The following SH3RF3 variants were observed in gnomAD, a reference collection of about 807,000 sequenced individuals.
SH3RF3 encodes SH3 domain containing ring finger 3.
A neutral mutation model predicts 66.3 loss-of-function variants in SH3RF3; 29 were observed. The ratio of observed to expected loss-of-function variants is 0.44; its 90% CI spans 0.33 to 0.60. The LOEUF (loss-of-function observed/expected upper bound fraction) is 0.60. SH3RF3 is among the 20% of genes least tolerant of loss of function. SH3RF3 has a pLI of 0.04. For missense variants in SH3RF3, 1,194 were observed against 1,190.9 expected, an observed-to-expected ratio of 1.00 and a Z score of -0.04; for synonymous variants, 583 against 532.0, an observed-to-expected ratio of 1.10 and a Z score of -1.32.
At chr2:109,188,539 G>T (rs1437420479) in intron 1 of SH3RF3, among the ~76,000 whole-genome samples, 8 of 152,224 alleles carry the variant, frequency 5.3e-5, no homozygotes, top group Non-Finnish European at 1.0e-4. Flanking sequence ...CAGAGAAGCG[G>T]CATCCCCCGT....
At chr2:109,398,969 C>T (rs764770907) in intron 4 of SH3RF3, 26 bp downstream of exon 4, 1 of 1,589,424 alleles carries the variant, frequency 6.3e-7, no homozygotes. Context: ...CCAGGGCAGG[C>T]ATCCCTGGGT....
At chr2:109,415,703 C>T (rs909763296) in intron 4 of SH3RF3, among the ~76,000 whole-genome samples, 4 of 152,136 alleles carry the variant, frequency 2.6e-5, no homozygotes, top group African/African-American at 9.7e-5. Context: ...GTCCTCATCC[C>T]GTGGGGATAC....
At chr2:109,190,715 A>G (rs1678331999) in intron 1 of SH3RF3, among the ~76,000 whole-genome samples, 1 of 152,074 alleles carries the variant, frequency 6.6e-6, no homozygotes, top group Non-Finnish European at 1.5e-5. Context: ...AAAATTTGCT[A>G]GGTGTTGGGT....
At chr2:109,207,270 G>A (rs1678862803) in intron 1 of SH3RF3, among the ~76,000 whole-genome samples, 1 of 152,194 alleles carries the variant, frequency 6.6e-6, no homozygotes, top group Non-Finnish European at 1.5e-5. Flanking sequence ...TTGGTGTATG[G>A]TAATCATTAG....
chr2:109,288,304 A>G (rs1681085590), intron 1 of SH3RF3, among the ~76,000 whole-genome samples: 1 of 152,240 alleles, frequency 6.6e-6, no homozygotes, highest in Non-Finnish European at 1.5e-5. Flanking sequence ...TTTCAGAGTT[A>G]TTGCAGGCAT....
In SH3RF3 at chr2:109,466,116, G is replaced by A. The variant is rs1469190757; in HGVS notation, c.2148+16627G>A. Among the ~76,000 whole-genome samples the A allele has an allele frequency of 3.4e-5, 4 of 116,258 alleles. No individual in the cohort carries two copies. In the East Asian group the frequency reaches 8.2e-4, roughly 24 times the overall value. The allele number at this position is 116,258 out of a possible 152,430, so 76.3% of individuals were successfully genotyped here. A position where few individuals can be genotyped will look rare whatever the true frequency, so the allele number is the denominator to read the frequency against. Reference sequence around the variant, plus strand: ...TTTTTTTGAGATGGAGTCTCGCTCCGTCGCCCAGGCTGGAGTGCAGCAGTG... The same window carrying A: ...TTTTTTTGAGATGGAGTCTCGCTCCATCGCCCAGGCTGGAGTGCAGCAGTG... On this transcript the variant is annotated intron_variant, in intron 8 of 9. Coordinates refer to ENST00000309415, the MANE Select transcript of SH3RF3 (RefSeq NM_001099289.3).
chr2:109,432,768 C>T (rs904673213), intron 6 of SH3RF3, 97 bp downstream of exon 6: 2 of 1,455,044 alleles, frequency 1.4e-6, no homozygotes, highest in East Asian at 2.4e-5. Context: ...GTCAGCCGGG[C>T]CCAGAAGGCA....
At chr2:109,181,664 A>C (rs1408459112) in intron 1 of SH3RF3, among the ~76,000 whole-genome samples, 2 of 152,070 alleles carry the variant, frequency 1.3e-5, no homozygotes, top group African/African-American at 2.4e-5. Flanking sequence ...ACCAAATCCA[A>C]ATTTCCCTCC....
At chr2:109,374,818 C>T (rs1029965056) in intron 3 of SH3RF3, among the ~76,000 whole-genome samples, 3 of 152,260 alleles carry the variant, frequency 2.0e-5, no homozygotes, top group African/African-American at 7.2e-5. Context: ...GAGGGACTCT[C>T]ACCTCGCCTG....
intron 1 of SH3RF3, among the ~76,000 whole-genome samples, chr2:109,335,486 G>A (rs565357060): frequency 6.7e-4 from 102 of 152,146 alleles, no homozygotes; most frequent in Middle Eastern, 3.4e-3. Flanking sequence ...ACTAGCCCTC[G>A]CTCATCCACG....
intron 1 of SH3RF3, among the ~76,000 whole-genome samples, chr2:109,194,164 C>T (rs907102671): frequency 2.6e-5 from 4 of 152,260 alleles, no homozygotes; most frequent in Non-Finnish European, 5.9e-5. Flanking sequence ...CCAAGCCCTT[C>T]CCAGCACTGG....
At chr2:109,377,943 C>T (rs1013327839) in intron 3 of SH3RF3, among the ~76,000 whole-genome samples, 28 of 152,230 alleles carry the variant, frequency 1.8e-4, no homozygotes, top group Non-Finnish European at 3.2e-4. Flanking sequence ...GCGGATAGCT[C>T]GGGCATTGTT....
intron 4 of SH3RF3, among the ~76,000 whole-genome samples, chr2:109,410,433 A>G (rs1339712178): frequency 6.6e-6 from 1 of 152,190 alleles, no homozygotes; most frequent in African/African-American, 2.4e-5. Context: ...AGCTCCGTGC[A>G]CCCAGGGGGC....
chr2:109,230,909 G>A lies in SH3RF3; in HGVS notation c.573+100796G>A, dbSNP rs1344183326. ...GGGCTTTGGGGGCTTCTCCCATCTCGGCTAAGGGACAGCTCAAACAGGAAG... is the reference window on the plus strand; with the variant it reads ...GGGCTTTGGGGGCTTCTCCCATCTCAGCTAAGGGACAGCTCAAACAGGAAG... On this transcript the variant is annotated intron_variant, in intron 1 of 9. Transcript: ENST00000309415. Among the ~76,000 whole-genome samples the A allele has an allele frequency of 3.3e-5, 5 of 152,286 alleles. No homozygotes were observed. In the South Asian group the frequency reaches 8.3e-4, roughly 25 times the overall value.
intron 1 of SH3RF3, among the ~76,000 whole-genome samples, chr2:109,166,598 A>G (rs1477747567): frequency 1.3e-5 from 2 of 152,230 alleles, no homozygotes; most frequent in Admixed American, 6.5e-5. Flanking sequence ...GAAAAAATTT[A>G]CAGAAAATAT....
At position 109,501,852 on chromosome 2, in the gene SH3RF3, C is replaced by T. The variant is rs970384368; in HGVS notation, c.*181C>T. 1 of 582,964 alleles carries T rather than the reference C, an allele frequency of 1.7e-6. No individual in the cohort carries two copies. The highest frequency in any genetic ancestry group is 3.0e-5 in the Admixed American group (1 of 33,714). The allele number at this position is 582,964 out of a possible 1,614,324, so 36.1% of individuals were successfully genotyped here. On this transcript the variant is annotated 3_prime_UTR_variant, in exon 10 of 10. Transcript: ENST00000309415. ...TGGAGGTCGTGCCTTCTCCCAAAAC[C>T]CCCAAACGGAGAGCACACCTGGGAT...
intron 1 of SH3RF3, among the ~76,000 whole-genome samples, chr2:109,141,171 C>G (rs1203790678): frequency 2.6e-5 from 4 of 152,216 alleles, no homozygotes; most frequent in Non-Finnish European, 5.9e-5. Context: ...GCGGATTCCT[C>G]TCTTTTGTCT....
intron 1 of SH3RF3, among the ~76,000 whole-genome samples, chr2:109,342,008 A>G (rs1016232539): frequency 1.3e-5 from 2 of 152,198 alleles, no homozygotes; most frequent in African/African-American, 4.8e-5. Flanking sequence ...GTGTGTATAC[A>G]ATTAGGGTCT....
At chr2:109,261,238 T>C (rs1680347459) in intron 1 of SH3RF3, among the ~76,000 whole-genome samples, 1 of 152,168 alleles carries the variant, frequency 6.6e-6, no homozygotes. Context: ...CCCTGGCTGA[T>C]GGCTCTTCCT....
Sources: allele counts gnomAD v4.1 joint callset (sites outside exome capture counted in the v4.1 genomes callset), GRCh38; gene constraint gnomAD v4.1.1; transcripts MANE v1.5; gene names NCBI Gene and HGNC (gene_info 2026-07-23, HGNC 2026-07-21).